Variants in EPHA8 observed in about 807,000 individuals in gnomAD.
EPHA8 encodes ephrin type-A receptor 8.
In EPHA8, 58 loss-of-function variants were observed where a neutral mutation model predicts 103.6. The observed-to-expected ratio is 0.56, with a 90% confidence interval of 0.45 to 0.70. EPHA8 has a LOEUF of 0.70. Among genes scored for constraint, EPHA8 ranks in the 30% least tolerant of loss-of-function variants. The pLI is 0.00. For missense variants in EPHA8, 1,304 were observed against 1,395.2 expected (o/e 0.93, Z 1.04); for synonymous variants, 559 against 572.5 (o/e 0.98, Z 0.34).
rs1570029233 is a variant in EPHA8, at chr1:22,597,566, G to C, written c.1930+90G>C. 1 of 1,562,828 alleles carries C rather than the reference G, an allele frequency of 6.4e-7. No individual in the cohort carries two copies. Among genetic ancestry groups the C allele is most frequent in the Non-Finnish European group, 8.7e-7 (1 of 1,152,816 alleles). ...TGGGGGCACCCAGGGCAGAGGGAGC[G>C]TGTGACCCAGGGGTCTGGCAAGCCC... On this transcript the variant is annotated intron_variant, in intron 10 of 16. Transcript: ENST00000166244. This position sits in a 1 kb window ranked among gnomAD's most constrained non-coding sequence, Gnocchi z 4.6.
At chr1:22,601,496 G>T in intron 16 of EPHA8, 23 bp downstream of exon 16, 1 of 1,607,094 alleles carries the variant, frequency 6.2e-7, no homozygotes. Flanking sequence ...TGGGGCTGGG[G>T]CCCCATGCGT....
At chr1:22,570,496 A>AAGG (rs1640509248) in intron 2 of EPHA8, among the ~76,000 whole-genome samples, 1 of 121,856 alleles carries the variant, frequency 8.2e-6, no homozygotes, top group Admixed American at 7.7e-5. Flanking sequence ...AGGACAGAAG[A>AAGG]ATAATAATAT....
intron 7 of EPHA8, among the ~76,000 whole-genome samples, chr1:22,594,900 G>A (rs528955897): frequency 1.3e-5 from 2 of 152,362 alleles, no homozygotes; most frequent in African/African-American, 4.8e-5. Context: ...CACACTCCGT[G>A]TTGTCACTGT....
rs1168605066 is a variant in EPHA8 at position 22,601,664 on chromosome 1, CAGA to C, written c.2948_2950del (p.Lys983del). ...CCTGGGCATCACCCTCATGGGCCAC[CAGA>C]AGAAGATCCTGGGCAGCATTCAGAC... is the stretch of plus-strand genomic sequence containing the variant. On this transcript the variant is annotated inframe_deletion, in exon 17 of 17. Coordinates refer to ENST00000166244, the MANE Select transcript of EPHA8 (RefSeq NM_020526.5). The C allele has an allele frequency of 6.3e-7, 1 of 1,595,400 alleles. No homozygotes were observed. Among genetic ancestry groups the C allele is most frequent in the Non-Finnish European group, 8.5e-7 (1 of 1,171,224 alleles).
chr1:22,595,193 G>A (rs1641482086), intron 7 of EPHA8, 37 bp from the exon 8 acceptor site: 3 of 1,570,668 alleles, frequency 1.9e-6, no homozygotes, highest in Non-Finnish European at 2.6e-6. Context: ...GGCCAGGGCT[G>A]AGAGCCTGGT....
chr1:22,589,913 C>T lies in EPHA8; in HGVS notation c.1315+707C>T, dbSNP rs555218811. Among the ~76,000 whole-genome samples the T allele has an allele frequency of 6.6e-5, 10 of 152,182 alleles. No homozygotes were observed. Among genetic ancestry groups the T allele is most frequent in the South Asian group, 2.1e-4 (1 of 4,814 alleles). On this transcript the variant is annotated intron_variant, in intron 5 of 16. Transcript: ENST00000166244. This position sits in a 1 kb window ranked among gnomAD's most constrained non-coding sequence, Gnocchi z 4.3. ...TCCCAAAACCACACAGCCCTGGCCT[C>T]GCAGACAATATGCCCACCACGTCAC... is the stretch of plus-strand genomic sequence containing the variant.
At chr1:22,570,950 C>T (rs919468435) in intron 2 of EPHA8, among the ~76,000 whole-genome samples, 9 of 152,368 alleles carry the variant, frequency 5.9e-5, no homozygotes, top group African/African-American at 1.9e-4. Context: ...GGCAGGGTTC[C>T]ACCCATGAGG....
At position 22,567,331 on chromosome 1, in the gene EPHA8, G is replaced by A. The variant is rs1417958392; in HGVS notation, c.95-1958G>A. The stretch of plus-strand genomic sequence containing the variant: ...GCTGGTCTGGGGGAAACTGCAGTGC[G>A]GCCCCCTCCCCCTCCCACCAGCCAG... On this transcript the variant is annotated intron_variant, in intron 1 of 16. Transcript: ENST00000166244. The surrounding 1 kb of genome is among the most constrained non-coding windows in gnomAD (Gnocchi z 4.2). Among the ~76,000 whole-genome samples the A allele has an allele frequency of 6.6e-6, 1 of 152,104 alleles. No homozygotes were observed.
chr1:22,571,473 T>C (rs1640543014), intron 2 of EPHA8, among the ~76,000 whole-genome samples: 1 of 152,154 alleles, frequency 6.6e-6, no homozygotes, highest in African/African-American at 2.4e-5. Context: ...CCAGAGCCTG[T>C]GGTGAGTCCC....
At chr1:22,564,090 A>G (rs1162757848) in intron 1 of EPHA8, among the ~76,000 whole-genome samples, 1 of 141,786 alleles carries the variant, frequency 7.1e-6, no homozygotes, top group Non-Finnish European at 1.5e-5. Context: ...GAGAGGGTAC[A>G]GTGAGGTAGG....
At position 22,563,618 on chromosome 1, in the gene EPHA8, GC is replaced by G. The variant is rs1640260269; in HGVS notation, c.-15del. On this transcript the variant is annotated 5_prime_UTR_variant, in exon 1 of 17. Coordinates refer to ENST00000166244, the MANE Select transcript of EPHA8 (RefSeq NM_020526.5). This position sits in a 1 kb window ranked among gnomAD's most constrained non-coding sequence, Gnocchi z 4.4. The stretch of plus-strand genomic sequence containing the variant: ...CCGAGGGTGCGTGGCGCCCCCGCCC[GC>G]CCGGCCCGGCCCGGCCATGGCCCCC... The G allele has an allele frequency of 1.5e-5, 1 of 65,422 alleles. No homozygotes were observed. The highest frequency in any genetic ancestry group is 1.5e-4 in the African/African-American group (1 of 6,708). 4.1% of individuals were successfully genotyped at this position (65,422 alleles called of 1,614,324 possible).
chr1:22,578,660 A>G (rs1056689555), intron 3 of EPHA8, among the ~76,000 whole-genome samples: 20 of 113,640 alleles, frequency 1.8e-4, no homozygotes, highest in African/African-American at 6.1e-4. Flanking sequence ...TGTGCATGTG[A>G]GTGTATGTAT....
At chr1:22,574,721 G>C (rs1380294155) in intron 2 of EPHA8, among the ~76,000 whole-genome samples, 1 of 152,136 alleles carries the variant, frequency 6.6e-6, no homozygotes, top group Admixed American at 6.5e-5. Context: ...CTACGTTGTG[G>C]CTGTTGTGAA....
intron 3 of EPHA8, among the ~76,000 whole-genome samples, chr1:22,578,711 A>ATG (rs1354686869): frequency 1.4e-5 from 2 of 143,310 alleles, no homozygotes; most frequent in Non-Finnish European, 3.0e-5. Context: ...GTGTGTATGT[A>ATG]TATGCATGTG....
At position 22,578,488 on chromosome 1, in the gene EPHA8, G is replaced by C. The variant is rs1015059206; in HGVS notation, c.823+1608G>C. On this transcript the variant is annotated intron_variant, in intron 3 of 16. Transcript: ENST00000166244. ...TGTGTGTGCATGTGCATGAGTGTGT[G>C]CATGTGTGCATGAGTGCATTAGTGT... Among the ~76,000 whole-genome samples the C allele has an allele frequency of 4.6e-5, 6 of 129,812 alleles. No homozygotes were observed. In the Admixed American group the frequency reaches 4.9e-4, roughly 11 times the overall value. The allele number at this position is 129,812 out of a possible 152,430, so 85.2% of individuals were successfully genotyped here. A position where few individuals can be genotyped will look rare whatever the true frequency, so the allele number is the denominator to read the frequency against.
intron 16 of EPHA8, 42 bp downstream of exon 16, chr1:22,601,515 A>G (rs775819689): frequency 2.0e-4 from 219 of 1,110,472 alleles, no homozygotes; most frequent in Admixed American, 6.7e-4. Flanking sequence ...GTGTGGGGGC[A>G]GGGGGGGGGA....
At position 22,569,484 on chromosome 1, in the gene EPHA8, C is replaced by A; in HGVS notation, c.159+131C>A. ...AGGTCAAGGGACTTACCCAAGGGCA[C>A]ACAGCAGTTAGTGCTGCTGATCTCT... is the stretch of plus-strand genomic sequence containing the variant. On this transcript the variant is annotated intron_variant, in intron 2 of 16. Coordinates refer to ENST00000166244, the MANE Select transcript of EPHA8 (RefSeq NM_020526.5). The surrounding 1 kb of genome is among the most constrained non-coding windows in gnomAD (Gnocchi z 4.5). 1.1e-6 allele frequency: 1 copy of A among 921,870 alleles called. No homozygotes were observed. Among genetic ancestry groups the A allele is most frequent in the Non-Finnish European group, 1.6e-6 (1 of 616,068 alleles). 57.1% of individuals were successfully genotyped at this position (921,870 alleles called of 1,614,324 possible). A position where few individuals can be genotyped will look rare whatever the true frequency, so the allele number is the denominator to read the frequency against.
chr1:22,595,037 G>A (rs1641478711), intron 7 of EPHA8, among the ~76,000 whole-genome samples, 193 bp from the exon 8 acceptor site: 1 of 152,212 alleles, frequency 6.6e-6, no homozygotes. Context: ...CGAACTTGAA[G>A]AGGAAGCTTA....
At chr1:22,579,745 A>C (rs1640987980) in intron 3 of EPHA8, among the ~76,000 whole-genome samples, 1 of 152,086 alleles carries the variant, frequency 6.6e-6, no homozygotes, top group African/African-American at 2.4e-5. Flanking sequence ...GAAAGGGAGG[A>C]GGATGTTTAT....
Sources: gnomAD v4.1 joint callset for allele counts (sites outside exome capture counted in the v4.1 genomes callset) on GRCh38, gnomAD v4.1.1 for gene constraint, Gnocchi (gnomAD v3.1) non-coding constraint, MANE v1.5 for transcripts, NCBI Gene and HGNC (gene_info 2026-07-23, HGNC 2026-07-21) for gene names.